Variants in VAV3 observed in about 807,000 individuals in gnomAD.
The protein encoded by VAV3 is vav guanine nucleotide exchange factor 3.
A neutral mutation model predicts 131.2 loss-of-function variants in VAV3; 94 were observed. The observed-to-expected ratio is 0.72, with a 90% CI of 0.61 to 0.85. The LOEUF (loss-of-function observed/expected upper bound fraction) is 0.85, where lower values mean the gene tolerates loss of function less well. Ranked by LOEUF, VAV3 falls within the 40% of genes least tolerant of loss-of-function variation. VAV3 has a pLI of 0.00. For synonymous variants in VAV3, 349 were observed against 342.0 expected (o/e 1.02, Z -0.22); for missense variants, 939 against 1,002.7 (o/e 0.94, Z 0.86).
At chr1:107,769,848 T>TG (rs1198155113) in intron 6 of VAV3, among the ~76,000 whole-genome samples, 3 of 152,206 alleles carry the variant, frequency 2.0e-5, no homozygotes, top group African/African-American at 7.2e-5. Context: ...CCAATCCGGT[T>TG]GGTTCTATGT....
At chr1:107,732,881 G>C (rs548253502) in intron 15 of VAV3, among the ~76,000 whole-genome samples, 1 of 152,336 alleles carries the variant, frequency 6.6e-6, no homozygotes, top group South Asian at 2.1e-4. Flanking sequence ...CATGGTGTTT[G>C]AGCTCTGAGA....
chr1:107,681,292 T>C (rs747693515), intron 19 of VAV3, among the ~76,000 whole-genome samples: 1 of 152,164 alleles, frequency 6.6e-6, no homozygotes, highest in South Asian at 2.1e-4. Flanking sequence ...CAGCAAATAA[T>C]GCATTGTGGA....
At chr1:107,836,444 A>G (rs757867755) in intron 2 of VAV3, among the ~76,000 whole-genome samples, 1 of 152,010 alleles carries the variant, frequency 6.6e-6, no homozygotes, top group Non-Finnish European at 1.5e-5. Context: ...AGGAAAGTTT[A>G]TAGCACTAAA....
In VAV3 at chr1:107,715,083, T is replaced by C. The variant is rs143235389; in HGVS notation, c.1503-10022A>G. On this transcript the variant is annotated intron_variant, in intron 15 of 26. Transcript: ENST00000370056. ...GTTTATTACAAAATTAAAGTGTGGC[T>C]TTTGGCCCATAAACTATTCTTTCTA... Among the ~76,000 whole-genome samples, 782 of 152,260 alleles carry C rather than the reference T, an allele frequency of 5.1e-3. 9 individuals are homozygous for C. The highest frequency in any genetic ancestry group is 7.5e-3 in the Non-Finnish European group (511 of 67,994).
chr1:107,671,739 A>C (rs1290981285), intron 19 of VAV3, among the ~76,000 whole-genome samples: 1 of 151,462 alleles, frequency 6.6e-6, no homozygotes, highest in Non-Finnish European at 1.5e-5. Flanking sequence ...ACTTCTGAAA[A>C]TCCTTGGGGA....
At chr1:107,822,699 AT>A (rs1211303767) in intron 2 of VAV3, among the ~76,000 whole-genome samples, 1 of 151,716 alleles carries the variant, frequency 6.6e-6, no homozygotes, top group Non-Finnish European at 1.5e-5. Flanking sequence ...TAATAAAAAA[AT>A]AATTAAATGA....
intron 15 of VAV3, among the ~76,000 whole-genome samples, chr1:107,706,246 C>T (rs1394207420): frequency 6.6e-6 from 1 of 152,086 alleles, no homozygotes; most frequent in African/African-American, 2.4e-5. Flanking sequence ...AACTCTCAAC[C>T]ACACAGAATC....
chr1:107,745,010 C>T (rs781725349), intron 15 of VAV3, among the ~76,000 whole-genome samples: 2 of 152,150 alleles, frequency 1.3e-5, no homozygotes, highest in African/African-American at 4.8e-5. Context: ...CATAAAAGCA[C>T]AATGGATATA....
intron 20 of VAV3, among the ~76,000 whole-genome samples, chr1:107,623,832 T>C (rs1653788265): frequency 6.6e-6 from 1 of 152,196 alleles, no homozygotes; most frequent in South Asian, 2.1e-4. Flanking sequence ...TGAAAGTTCA[T>C]GAGGTTGTTC....
At chr1:107,793,349 T>G (rs1666389072) in intron 2 of VAV3, among the ~76,000 whole-genome samples, 1 of 152,156 alleles carries the variant, frequency 6.6e-6, no homozygotes, top group Non-Finnish European at 1.5e-5. Context: ...GCTATGAGAG[T>G]TGAAAGGGTG....
At chr1:107,776,864 T>C (rs1245202950) in intron 4 of VAV3, among the ~76,000 whole-genome samples, 1 of 152,156 alleles carries the variant, frequency 6.6e-6, no homozygotes, top group Non-Finnish European at 1.5e-5. Flanking sequence ...AACCCACACT[T>C]ATCTCTCCCT....
chr1:107,599,997 C>G (rs1651719016), intron 24 of VAV3, among the ~76,000 whole-genome samples: 1 of 151,970 alleles, frequency 6.6e-6, no homozygotes, highest in South Asian at 2.1e-4. Flanking sequence ...TAATCATCTT[C>G]TACCTCCTTC....
At chr1:107,593,881 G>C (rs1186329234) in intron 25 of VAV3, among the ~76,000 whole-genome samples, 1 of 152,108 alleles carries the variant, frequency 6.6e-6, no homozygotes, top group Non-Finnish European at 1.5e-5. Flanking sequence ...AGAAGTAGCA[G>C]CAGTAGTAGA....
chr1:107,850,793 T>A (rs910696226), intron 2 of VAV3, among the ~76,000 whole-genome samples: 14 of 152,092 alleles, frequency 9.2e-5, no homozygotes, highest in Admixed American at 2.6e-4. Context: ...ATCAACTATT[T>A]TTAAGGTTTC....
chr1:107,836,066 G>A (rs1668466206), intron 2 of VAV3, among the ~76,000 whole-genome samples: 1 of 152,068 alleles, frequency 6.6e-6, no homozygotes, highest in African/African-American at 2.4e-5. Flanking sequence ...GAAAAGACAG[G>A]CACAAAATAA....
chr1:107,909,294 T>C (rs1337283353), intron 1 of VAV3, among the ~76,000 whole-genome samples: 1 of 152,156 alleles, frequency 6.6e-6, no homozygotes, highest in African/African-American at 2.4e-5. Context: ...GAAATATGAG[T>C]ACCTCACAGC....
chr1:107,683,547 TA>T lies in VAV3; in HGVS notation c.1732-15del, dbSNP rs772244144. On this transcript the variant is annotated splice_polypyrimidine_tract_variant and intron_variant, in intron 18 of 26. Transcript: ENST00000370056. Reference sequence around the variant, plus strand: ...ATTGGTCCGTTTCTGTGCAGTAAAGTAAAACAAAGCAAAACAAATATGTGTT... The same window carrying T: ...ATTGGTCCGTTTCTGTGCAGTAAAGTAAACAAAGCAAAACAAATATGTGTT... 104 of 1,613,418 alleles carry T rather than the reference TA, an allele frequency of 6.4e-5. No individual in the cohort carries two copies. Among genetic ancestry groups the T allele is most frequent in the Non-Finnish European group, 8.6e-5 (102 of 1,179,524 alleles).
chr1:107,786,792 G>A (rs1380937958), intron 2 of VAV3, among the ~76,000 whole-genome samples: 2 of 152,150 alleles, frequency 1.3e-5, no homozygotes, highest in Non-Finnish European at 2.9e-5. Context: ...TGTAACTAGG[G>A]TGTGTTTGTT....
At chr1:107,636,379 T>C (rs1654932279) in intron 20 of VAV3, among the ~76,000 whole-genome samples, 1 of 152,194 alleles carries the variant, frequency 6.6e-6, no homozygotes, top group Non-Finnish European at 1.5e-5. Flanking sequence ...AAGCAATCTA[T>C]AAGAAGAAAC....
Sources: allele counts gnomAD v4.1 joint callset (sites outside exome capture counted in the v4.1 genomes callset), GRCh38; gene constraint gnomAD v4.1.1; transcripts MANE v1.5; gene names NCBI Gene and HGNC (gene_info 2026-07-23, HGNC 2026-07-21).